ZNF512: variants seen among roughly 807,000 people sequenced by gnomAD.
ZNF512 encodes the protein zinc finger protein 512.
ZNF512 carries 25 observed loss-of-function variants against 77.5 expected under a neutral mutation model. That is an observed-to-expected ratio of 0.32 (90% confidence interval 0.23 to 0.45). ZNF512 has a LOEUF of 0.45. Ranked by LOEUF, ZNF512 falls within the 20% of genes least tolerant of loss-of-function variation. ZNF512 has a pLI of 1.00. For missense variants in ZNF512, 483 were observed against 692.6 expected (o/e 0.70, Z 3.40); for synonymous variants, 246 against 239.9 (o/e 1.03, Z -0.24).
intron 8 of ZNF512, 142 bp from the exon 9 acceptor site, chr2:27,602,998 A>G: frequency 2.2e-6 from 2 of 895,574 alleles, no homozygotes; most frequent in Non-Finnish European, 3.5e-6. Context: ...GGTTGTGCTG[A>G]TGGGAGATGT....
At chr2:27,613,427 C>T (rs1190046465) in intron 10 of ZNF512, among the ~76,000 whole-genome samples, 14 of 151,124 alleles carry the variant, frequency 9.3e-5, no homozygotes, top group South Asian at 2.1e-4. Flanking sequence ...ACCTGGAAGG[C>T]GGAGGTTGCA....
chr2:27,605,229 G>A (rs1302708383), intron 9 of ZNF512, among the ~76,000 whole-genome samples: 1 of 152,088 alleles, frequency 6.6e-6, no homozygotes, highest in Admixed American at 6.5e-5. Context: ...TGATGCAGGT[G>A]GATTGCTTGA....
At chr2:27,593,194 C>T (rs1671672038) in intron 2 of ZNF512, among the ~76,000 whole-genome samples, 1 of 113,534 alleles carries the variant, frequency 8.8e-6, no homozygotes, top group African/African-American at 3.6e-5. Flanking sequence ...GACCCTGTCT[C>T]TACACACACA....
At chr2:27,617,707 C>A in intron 13 of ZNF512, 136 bp downstream of exon 13, 1 of 576,382 alleles carries the variant, frequency 1.7e-6, no homozygotes, top group South Asian at 2.5e-5. Context: ...TTAAAATATT[C>A]TCTAAACTTA....
intron 13 of ZNF512, among the ~76,000 whole-genome samples, chr2:27,619,134 GCACGGTGGCT>G (rs1673016139): frequency 6.6e-6 from 1 of 152,152 alleles, no homozygotes; most frequent in African/African-American, 2.4e-5. Flanking sequence ...TATCGGCTGG[GCACGGTGGCT>G]CACGCCTGTA....
Position 27,601,365 on chromosome 2 carries a change from A to G in ZNF512, c.592A>G (p.Thr198Ala). The change falls in exon 7 of 14, where the codon ACT becomes GCT. Residue 198 changes from threonine to alanine, a missense_variant. Thr to Ala is a moderately conservative substitution (Grantham distance 58). This residue lies in a region of ZNF512 where 324 missense variants were observed against 525.0 expected (regional missense o/e 0.62). Transcript: ENST00000355467. Reference protein sequence around the residue: ...HMENCKQEMFTCHHCGKQLRS... With the variant: ...HMENCKQEMFACHHCGKQLRS... ...GTATTTTTCCTTCTAGGAAATGTTT[A>G]CTTGTCATCATTGTGGGAAACAACT... 1 of 1,613,782 alleles carries G rather than the reference A, an allele frequency of 6.2e-7. No individual in the cohort carries two copies. The highest frequency in any genetic ancestry group is 1.1e-5 in the South Asian group (1 of 91,058).
At chr2:27,617,810 G>A (rs1030797054) in intron 13 of ZNF512, among the ~76,000 whole-genome samples, 3 of 151,548 alleles carry the variant, frequency 2.0e-5, no homozygotes, top group African/African-American at 7.3e-5. Flanking sequence ...ACTTTGGGAG[G>A]CCAAGGCAGG....
intron 13 of ZNF512, 55 bp downstream of exon 13, chr2:27,617,626 T>C: frequency 1.3e-6 from 1 of 786,386 alleles, no homozygotes; most frequent in South Asian, 1.3e-5. Flanking sequence ...AGAGGTAGAC[T>C]TTGTCCCTAT....
intron 2 of ZNF512, among the ~76,000 whole-genome samples, chr2:27,595,369 C>T (rs375057803): frequency 2.0e-5 from 3 of 147,306 alleles, no homozygotes; most frequent in East Asian, 4.1e-4. Context: ...GGTGCGATCT[C>T]TGCTCACTGC....
chr2:27,595,253 C>T (rs1671806675), intron 2 of ZNF512, among the ~76,000 whole-genome samples: 1 of 151,488 alleles, frequency 6.6e-6, no homozygotes, highest in African/African-American at 2.4e-5. Context: ...GAATGTTTTT[C>T]AATCTTTTTT....
intron 2 of ZNF512, among the ~76,000 whole-genome samples, chr2:27,586,290 C>T (rs1336765803): frequency 6.6e-6 from 1 of 151,994 alleles, no homozygotes; most frequent in African/African-American, 2.4e-5. Context: ...AGTGCAGTGG[C>T]ATGATCTCGG....
intron 1 of ZNF512, 138 bp downstream of exon 1, chr2:27,583,280 C>T (rs1419443177): frequency 3.6e-6 from 5 of 1,383,302 alleles, no homozygotes; most frequent in South Asian, 2.4e-5. Flanking sequence ...ATCAGATCAC[C>T]TGTCCCTTTT....
At chr2:27,593,130 G>A (rs1671669788) in intron 2 of ZNF512, among the ~76,000 whole-genome samples, 2 of 150,172 alleles carry the variant, frequency 1.3e-5, no homozygotes, top group African/African-American at 4.9e-5. Context: ...GGAGGCTGAG[G>A]TAGGAAGATT....
chr2:27,604,385 TTTG>T (rs1191292817), intron 9 of ZNF512, among the ~76,000 whole-genome samples: 1 of 151,946 alleles, frequency 6.6e-6, no homozygotes, highest in Non-Finnish European at 1.5e-5. Context: ...TTTAGAGTCA[TTTG>T]TTAAGATACA....
intron 2 of ZNF512, among the ~76,000 whole-genome samples, chr2:27,586,344 C>T (rs1357287629): frequency 6.6e-6 from 1 of 152,138 alleles, no homozygotes; most frequent in African/African-American, 2.4e-5. Context: ...ATTCTCCTGC[C>T]TCAGCCTCCC....
chr2:27,587,826 A>G (rs1332418038), intron 2 of ZNF512, among the ~76,000 whole-genome samples: 7 of 151,652 alleles, frequency 4.6e-5, no homozygotes, highest in African/African-American at 1.7e-4. Flanking sequence ...GATTACAGGC[A>G]TGTGCCGCCA....
In ZNF512 at chr2:27,593,921, T is replaced by C. The variant is rs141540144; in HGVS notation, c.90-4146T>C. ...GTACAGAACAAAATGGAGTCTCCTA[T>C]GTCTACTTCTTTCTACACAGACACA... On this transcript the variant is annotated intron_variant, in intron 2 of 13. Coordinates refer to ENST00000355467, the MANE Select transcript of ZNF512 (RefSeq NM_032434.4). Among the ~76,000 whole-genome samples, 1,494 of 152,316 alleles carry C rather than the reference T, an allele frequency of 9.8e-3. 26 individuals are homozygous for C. Among genetic ancestry groups the C allele is most frequent in the African/African-American group, 0.033 (1,377 of 41,572 alleles).
rs904363997 is a variant in ZNF512 at position 27,612,508 on chromosome 2, A to G, written c.1132-2660A>G. Among the ~76,000 whole-genome samples the G allele has an allele frequency of 3.3e-5, 5 of 152,036 alleles. No individual in the cohort carries two copies. In the South Asian group the frequency reaches 1.0e-3, roughly 32 times the overall value. On this transcript the variant is annotated intron_variant, in intron 10 of 13. Transcript: ENST00000355467. Reference sequence around the variant, plus strand: ...ACACATACACATCCATATTTATTTTATGGCTGTCTATCTGTATGTATATTA... The same window carrying G: ...ACACATACACATCCATATTTATTTTGTGGCTGTCTATCTGTATGTATATTA...
intron 10 of ZNF512, 60 bp from the exon 11 acceptor site, chr2:27,615,108 T>C (rs917987710): frequency 1.3e-5 from 13 of 989,928 alleles, no homozygotes; most frequent in Middle Eastern, 2.1e-4. Flanking sequence ...TGTGAAACTT[T>C]TGGGATATTT....
Sources: allele counts gnomAD v4.1 joint callset (sites outside exome capture counted in the v4.1 genomes callset), GRCh38; gene constraint gnomAD v4.1.1; regional missense constraint gnomAD v4.1.1; transcripts MANE v1.5; gene names NCBI Gene and HGNC (gene_info 2026-07-23, HGNC 2026-07-21).